Variants in AKAP6 observed in about 807,000 individuals in gnomAD.
AKAP6 encodes A-kinase anchor protein 6.
A neutral mutation model predicts 188.5 loss-of-function variants in AKAP6; 58 were observed. The ratio of observed to expected loss-of-function variants is 0.31; its 90% confidence interval spans 0.25 to 0.38. The LOEUF is 0.38. Among genes scored for constraint, AKAP6 ranks in the 10% least tolerant of loss-of-function variants. The pLI, the probability that AKAP6 is intolerant of heterozygous loss-of-function variation, is 1.00. For synonymous variants in AKAP6, 989 were observed against 998.6 expected (o/e 0.99, Z 0.18); for missense variants, 2,710 against 2,740.0 (o/e 0.99, Z 0.24).
chr14:32,667,602 C>T (rs1175753582), intron 7 of AKAP6, among the ~76,000 whole-genome samples: 2 of 152,010 alleles, frequency 1.3e-5, no homozygotes, highest in Non-Finnish European at 2.9e-5. Context: ...AGTCGAGATT[C>T]TTGACAGGGT....
At chr14:32,421,412 A>C (rs1320080198) in intron 1 of AKAP6, among the ~76,000 whole-genome samples, 1 of 151,764 alleles carries the variant, frequency 6.6e-6, no homozygotes, top group African/African-American at 2.4e-5. Context: ...CTTTATTTTT[A>C]GCTATTATAT....
intron 12 of AKAP6, among the ~76,000 whole-genome samples, chr14:32,800,842 C>A (rs1244876806): frequency 6.6e-6 from 1 of 151,894 alleles, no homozygotes; most frequent in Non-Finnish European, 1.5e-5. Context: ...TAGCAAAAAC[C>A]CATCTATGCA....
In AKAP6 at chr14:32,531,582, A is replaced by G. The variant is rs140805795; in HGVS notation, c.325-3972A>G. Among the ~76,000 whole-genome samples, 23 of 152,158 alleles carry G rather than the reference A, an allele frequency of 1.5e-4. No homozygotes were observed. In the East Asian group the frequency reaches 4.3e-3, roughly 28 times the overall value. ...TGTAGATTTGCATAACACCTCCACAATCTATACCAAACAGTTCCATCAGTC... is the reference window on the plus strand; with the variant it reads ...TGTAGATTTGCATAACACCTCCACAGTCTATACCAAACAGTTCCATCAGTC... On this transcript the variant is annotated intron_variant, in intron 2 of 13. Transcript: ENST00000280979.
At chr14:32,587,747 G>A (rs1425041904) in intron 5 of AKAP6, among the ~76,000 whole-genome samples, 1 of 152,184 alleles carries the variant, frequency 6.6e-6, no homozygotes, top group East Asian at 1.9e-4. Flanking sequence ...CTATAGCACA[G>A]GACAGCCCAC....
Position 32,822,931 on chromosome 14 carries a change from A to G in AKAP6, c.5118A>G (p.Leu1706=), listed in dbSNP as rs1204430642. Residue 1706 remains leucine, a synonymous_variant, in exon 13 of 14, where the codon TTA becomes TTG. Coordinates refer to ENST00000280979, the MANE Select transcript of AKAP6 (RefSeq NM_004274.5). ...CTCTTTGCTCAGAGGATATTGTGTT[A>G]CACAAGAACAAGATCCCGGAATCGA... ...ELSLCSEDIV[L]HKNKIPESNA... is the part of the protein sequence containing the mutation. 6.2e-7 allele frequency: 1 copy of G among 1,613,930 alleles called. No individual in the cohort carries two copies. The highest frequency in any genetic ancestry group is 1.7e-5 in the Admixed American group (1 of 59,960).
intron 12 of AKAP6, among the ~76,000 whole-genome samples, chr14:32,818,682 T>C (rs1375973089): frequency 1.3e-5 from 2 of 152,144 alleles, no homozygotes; most frequent in Admixed American, 6.5e-5. Context: ...CTTGAATTCG[T>C]AAAGCCGTAA....
chr14:32,698,531 C>T (rs573870934), intron 9 of AKAP6, among the ~76,000 whole-genome samples: 7 of 151,970 alleles, frequency 4.6e-5, no homozygotes, highest in Non-Finnish European at 8.8e-5. Context: ...ACATTTAGGG[C>T]GAAACAATTT....
Position 32,643,691 on chromosome 14 carries a change from T to G in AKAP6, c.2731-34620T>G, listed in dbSNP as rs530544046. 6.6e-5 allele frequency among the ~76,000 whole-genome samples: 10 copies of G among 152,298 alleles called. No individual in the cohort carries two copies. The East Asian group carries it at 1.7e-3, about 26-fold the overall frequency. On this transcript the variant is annotated intron_variant, in intron 7 of 13. Coordinates refer to ENST00000280979, the MANE Select transcript of AKAP6 (RefSeq NM_004274.5). ...ATGAGCATGTTTTCTTTGTTGTTGT[T>G]TTTAAATATTTGAGCTATTTAACAA... is the stretch of plus-strand genomic sequence containing the variant.
chr14:32,463,466 A>G (rs537185114), intron 2 of AKAP6, among the ~76,000 whole-genome samples: 1 of 152,334 alleles, frequency 6.6e-6, no homozygotes, highest in African/African-American at 2.4e-5. Flanking sequence ...CTGCACAACT[A>G]CGTCGAAACT....
rs879296135 is a variant in AKAP6 at position 32,708,171 on chromosome 14, A to AC, written c.3000+12061_3000+12062insC. ...ACAATAGATGTAGGTGAATATCAAC[A>AC]GTAATTAGAAATGGTAGGTATAGAA... is the stretch of plus-strand genomic sequence containing the variant. On this transcript the variant is annotated intron_variant, in intron 9 of 13. Coordinates refer to ENST00000280979, the MANE Select transcript of AKAP6 (RefSeq NM_004274.5). 9.3e-4 allele frequency among the ~76,000 whole-genome samples: 141 copies of AC among 152,228 alleles called. 3 individuals carry two copies. In the East Asian group the frequency reaches 0.019, roughly 20 times the overall value.
chr14:32,793,869 A>C (rs2033683759), intron 12 of AKAP6, among the ~76,000 whole-genome samples: 1 of 152,160 alleles, frequency 6.6e-6, no homozygotes, highest in South Asian at 2.1e-4. Flanking sequence ...TTGGAGATCT[A>C]CAAAGAGACT....
At chr14:32,389,219 A>C (rs1888629523) in intron 1 of AKAP6, among the ~76,000 whole-genome samples, 1 of 151,814 alleles carries the variant, frequency 6.6e-6, no homozygotes, top group Admixed American at 6.6e-5. Context: ...CTTTACCTTA[A>C]GTTTGTGCGA....
intron 4 of AKAP6, among the ~76,000 whole-genome samples, chr14:32,555,355 A>G (rs1176469282): frequency 6.6e-6 from 1 of 152,124 alleles, no homozygotes; most frequent in Admixed American, 6.6e-5. Flanking sequence ...TTCTTTTCCA[A>G]GAGGTAGAAT....
chr14:32,654,680 A>C (rs1594815958), intron 7 of AKAP6, among the ~76,000 whole-genome samples: 1 of 142,670 alleles, frequency 7.0e-6, no homozygotes, highest in African/African-American at 2.7e-5. Context: ...CCTTGTCTCT[A>C]CTGAAAAAAA....
At chr14:32,506,550 T>C (rs555028535) in intron 2 of AKAP6, among the ~76,000 whole-genome samples, 72 of 152,256 alleles carry the variant, frequency 4.7e-4, no homozygotes, top group African/African-American at 1.7e-3. Context: ...CAAATAGAAC[T>C]GTGGCTTTTG....
At chr14:32,768,832 C>T (rs1411472187) in intron 11 of AKAP6, among the ~76,000 whole-genome samples, 2 of 151,934 alleles carry the variant, frequency 1.3e-5, no homozygotes, top group Non-Finnish European at 2.9e-5. Flanking sequence ...CCCAGTATTC[C>T]TGATTCAGAA....
intron 11 of AKAP6, among the ~76,000 whole-genome samples, chr14:32,747,112 C>T (rs909111820): frequency 2.0e-5 from 3 of 152,044 alleles, no homozygotes; most frequent in African/African-American, 7.2e-5. Context: ...AAAAATAAGA[C>T]CAATTTCATC....
chr14:32,790,764 C>G (rs982223123), intron 12 of AKAP6, among the ~76,000 whole-genome samples: 5 of 151,978 alleles, frequency 3.3e-5, no homozygotes, highest in Non-Finnish European at 7.4e-5. Context: ...GCTCTCTATC[C>G]CCTTGCCCCC....
At chr14:32,483,005 A>T in intron 2 of AKAP6, among the ~76,000 whole-genome samples, 1 of 111,158 alleles carries the variant, frequency 9.0e-6, no homozygotes, top group Admixed American at 8.9e-5. Context: ...ATATATATAT[A>T]TATATATGTA....
Sources: allele counts gnomAD v4.1 joint callset (sites outside exome capture counted in the v4.1 genomes callset), GRCh38; gene constraint gnomAD v4.1.1; transcripts MANE v1.5; gene names NCBI Gene and HGNC (gene_info 2026-07-23, HGNC 2026-07-21).